The following KIF18B variants were observed in gnomAD, a reference collection of about 807,000 sequenced individuals.
KIF18B encodes kinesin family member 18B, also known as kinesin-like protein KIF18B.
A neutral mutation model predicts 80.9 loss-of-function variants in KIF18B; 49 were observed. That is an observed-to-expected ratio of 0.61 (90% CI 0.48 to 0.77). KIF18B has a LOEUF of 0.77. Among genes scored for constraint, KIF18B ranks in the 30% least tolerant of loss-of-function variants. KIF18B has a pLI of 0.00. For synonymous variants in KIF18B, 439 were observed against 463.9 expected (o/e 0.95, Z 0.69); for missense variants, 994 against 1,127.7 (o/e 0.88, Z 1.70).
Position 44,935,427 on chromosome 17 carries a change from C to A in KIF18B, c.314-11G>T. ...CCCCGTAGGCAAACACTGCAGAGGA[C>A]ATAGTAAGGAGGAGGACCCCAGTGC... On this transcript the variant is annotated splice_polypyrimidine_tract_variant and intron_variant, in intron 2 of 15. Transcript: ENST00000593135. The A allele has an allele frequency of 6.3e-7, 1 of 1,591,902 alleles. No individual in the cohort carries two copies. Among genetic ancestry groups the A allele is most frequent in the Non-Finnish European group, 8.6e-7 (1 of 1,167,318 alleles).
intron 1 of KIF18B, among the ~76,000 whole-genome samples, chr17:44,941,441 G>C (rs1260928355): frequency 1.3e-5 from 2 of 151,590 alleles, no homozygotes; most frequent in Non-Finnish European, 2.9e-5. Flanking sequence ...CAGGTTCAAG[G>C]AATTCTTCTG....
chr17:44,937,791 A>G (rs900638819), intron 1 of KIF18B, among the ~76,000 whole-genome samples: 2 of 152,166 alleles, frequency 1.3e-5, no homozygotes, highest in Non-Finnish European at 2.9e-5. Flanking sequence ...TTGAATAATA[A>G]TGATGATAAT....
intron 1 of KIF18B, among the ~76,000 whole-genome samples, chr17:44,939,695 C>T (rs1039287517): frequency 2.0e-5 from 3 of 152,174 alleles, no homozygotes; most frequent in East Asian, 1.9e-4. Flanking sequence ...CATTTATTCA[C>T]ACCTTTACAG....
intron 1 of KIF18B, among the ~76,000 whole-genome samples, chr17:44,941,520 G>A (rs1299098157): frequency 1.3e-5 from 2 of 151,958 alleles, no homozygotes; most frequent in Non-Finnish European, 2.9e-5. Flanking sequence ...TGTATTTTTA[G>A]TAGAGATGAG....
chr17:44,933,090 T>C (rs1422800067), intron 7 of KIF18B, 104 bp from the exon 8 acceptor site: 1 of 1,011,154 alleles, frequency 9.9e-7, no homozygotes, highest in Non-Finnish European at 1.5e-6. Context: ...CACGTCCCCA[T>C]GACCCACCCT....
Position 44,932,900 on chromosome 17 carries a change from C to T in KIF18B, c.1137+12G>A, listed in dbSNP as rs768482621. The T allele has an allele frequency of 3.3e-5, 52 of 1,598,072 alleles. No homozygotes were observed. The highest frequency in any genetic ancestry group is 6.6e-5 in the South Asian group (6 of 90,358). Reference sequence around the variant, plus strand: ...TCGGCCCTCCAGCCTGCCCCCAAGGCGGGCTCCTCACCTCAGCCTGGAGCT... The same window carrying T: ...TCGGCCCTCCAGCCTGCCCCCAAGGTGGGCTCCTCACCTCAGCCTGGAGCT... On this transcript the variant is annotated intron_variant, in intron 8 of 15. Coordinates refer to ENST00000593135, the MANE Select transcript of KIF18B (RefSeq NM_001265577.2).
intron 2 of KIF18B, among the ~76,000 whole-genome samples, chr17:44,935,763 C>G (rs558126343): frequency 6.6e-6 from 1 of 152,092 alleles, no homozygotes; most frequent in Non-Finnish European, 1.5e-5. Context: ...TGAGTGGTGT[C>G]TTCTCCCCTC....
At position 44,928,817 on chromosome 17, in the gene KIF18B, A is replaced by G; in HGVS notation, c.1723+2T>C. 1 of 1,613,282 alleles carries G rather than the reference A, an allele frequency of 6.2e-7. No individual in the cohort carries two copies. ...GGCAGGGGAGAGCAGGATGAGACTC[A>G]CTTGACTCTGAACACAGCTCCTGAG... On this transcript the variant is annotated splice_donor_variant, in intron 12 of 15. Transcript: ENST00000593135. LOFTEE classifies it high-confidence loss of function.
chr17:44,944,865 T>C (rs1006818073), intron 1 of KIF18B, among the ~76,000 whole-genome samples: 7 of 152,336 alleles, frequency 4.6e-5, no homozygotes, highest in African/African-American at 1.7e-4. Context: ...GAATGTTCCA[T>C]TGCCGTTTCT....
chr17:44,934,759 C>T lies in KIF18B; in HGVS notation c.576+72G>A. The T allele has an allele frequency of 2.3e-6, 3 of 1,320,444 alleles. No homozygotes were observed. Among genetic ancestry groups the T allele is most frequent in the Non-Finnish European group, 3.1e-6 (3 of 954,796 alleles). 81.8% of individuals were successfully genotyped at this position (1,320,444 alleles called of 1,614,324 possible). A position where few individuals can be genotyped will look rare whatever the true frequency, so the allele number is the denominator to read the frequency against. On this transcript the variant is annotated intron_variant, in intron 4 of 15. Coordinates refer to ENST00000593135, the MANE Select transcript of KIF18B (RefSeq NM_001265577.2). This position sits in a 1 kb window ranked among gnomAD's most constrained non-coding sequence, Gnocchi z 5.4. ...ACCACCATCACAGGACCCAGGGCAT[C>T]CCCAAACAGTTTTGTGAGGGAACCC...
intron 1 of KIF18B, among the ~76,000 whole-genome samples, chr17:44,941,847 G>A (rs148355424): frequency 2.2e-4 from 33 of 152,304 alleles, no homozygotes; most frequent in African/African-American, 7.5e-4. Flanking sequence ...AAAGGGCACT[G>A]GCAAAGGAGT....
intron 1 of KIF18B, 50 bp from the exon 2 acceptor site, chr17:44,936,408 C>T (rs760321267): frequency 6.6e-7 from 1 of 1,510,326 alleles, no homozygotes; most frequent in Non-Finnish European, 8.9e-7. Context: ...CAGGCCTGAC[C>T]AGGTGCCCCC....
At chr17:44,929,909 T>G (rs1338539251) in intron 11 of KIF18B, among the ~76,000 whole-genome samples, 3 of 152,134 alleles carry the variant, frequency 2.0e-5, no homozygotes, top group Admixed American at 1.3e-4. Context: ...AAATTTAGAT[T>G]CTAATAAAGC....
chr17:44,939,390 A>AAAAAAAAAAAAAAAAAC, intron 1 of KIF18B, among the ~76,000 whole-genome samples: 1 of 150,920 alleles, frequency 6.6e-6, no homozygotes, highest in Non-Finnish European at 1.5e-5. Context: ...AAAAAAAAAA[A>AAAAAAAAAAAAAAAAAC]AAGAAACATG....
chr17:44,938,646 C>T (rs1597892602), intron 1 of KIF18B, among the ~76,000 whole-genome samples: 1 of 151,940 alleles, frequency 6.6e-6, no homozygotes, highest in African/African-American at 2.4e-5. Context: ...AATATCTTTT[C>T]TTTCTAATTG....
Position 44,932,989 on chromosome 17 carries a change from G to T in KIF18B, c.1063-3C>A. The T allele has an allele frequency of 6.2e-7, 1 of 1,604,382 alleles. No homozygotes were observed. Among genetic ancestry groups the T allele is most frequent in the Non-Finnish European group, 8.5e-7 (1 of 1,172,274 alleles). The stretch of plus-strand genomic sequence containing the variant: ...AGGCTGGTCACATTGCTCTTCAGCT[G>T]AGATGGGGAACAGGAGAGAGATTTA... On this transcript the variant is annotated splice_polypyrimidine_tract_variant and splice_region_variant and intron_variant, in intron 7 of 15. Coordinates refer to ENST00000593135, the MANE Select transcript of KIF18B (RefSeq NM_001265577.2).
Position 44,926,777 on chromosome 17 carries a change from T to G in KIF18B, c.2366+212A>C, listed in dbSNP as rs1414766444. 2.6e-5 allele frequency among the ~76,000 whole-genome samples: 4 copies of G among 152,128 alleles called. No individual in the cohort carries two copies. The East Asian group carries it at 7.7e-4, about 29-fold the overall frequency. ...GATAAATGGGTGCTGAGAGCCTCCC[T>G]CATGGATCAGCTCTGGGGTGATCCT... On this transcript the variant is annotated intron_variant, in intron 14 of 15. Coordinates refer to ENST00000593135, the MANE Select transcript of KIF18B (RefSeq NM_001265577.2).
Position 44,934,714 on chromosome 17 carries a change from TTGCTACCACCACCAC to T in KIF18B, c.576+102_577-98del. On this transcript the variant is annotated intron_variant, in intron 4 of 15. Transcript: ENST00000593135. This position sits in a 1 kb window ranked among gnomAD's most constrained non-coding sequence, Gnocchi z 5.4. The stretch of plus-strand genomic sequence containing the variant: ...GCTCTTCAGAATCTACATCACCCCC[TTGCTACCACCACCAC>T]TGCTACCACCATCACAGGACCCAGG... The T allele has an allele frequency of 1.6e-6, 2 of 1,278,518 alleles. No individual in the cohort carries two copies. The highest frequency in any genetic ancestry group is 2.2e-6 in the Non-Finnish European group (2 of 925,154). The allele number at this position is 1,278,518 out of a possible 1,614,324, so 79.2% of individuals were successfully genotyped here.
Position 44,936,163 on chromosome 17 carries a change from G to T in KIF18B, c.182C>A (p.Pro61His). 1 of 1,613,262 alleles carries T rather than the reference G, an allele frequency of 6.2e-7. No homozygotes were observed. Among genetic ancestry groups the T allele is most frequent in the Admixed American group, 1.7e-5 (1 of 59,940 alleles). ...CGTCAGGTCTTTGCCCTTCTTCTTG[G>T]GGCCATCATGGGTGCCACCCCATTT... ...GLKWGGTHDGPKKKGKDLTFV... is the reference protein window; with the variant it reads ...GLKWGGTHDGHKKKGKDLTFV... Residue 61 changes from proline (P) to histidine (H), a missense_variant, in exon 2 of 16, where the codon CCC (proline) becomes CAC (histidine). Coordinates refer to ENST00000593135, the MANE Select transcript of KIF18B (RefSeq NM_001265577.2).
Sources: allele counts gnomAD v4.1 joint callset (sites outside exome capture counted in the v4.1 genomes callset), GRCh38; gene constraint gnomAD v4.1.1; non-coding constraint Gnocchi (gnomAD v3.1); transcripts MANE v1.5; gene names NCBI Gene and HGNC (gene_info 2026-07-23, HGNC 2026-07-21).